NUTM2G: variants seen among roughly 807,000 people sequenced by gnomAD.
NUTM2G encodes family with sequence similarity 22, member G.
In NUTM2G, 29 loss-of-function variants were observed where a neutral mutation model predicts 44.3. The observed-to-expected ratio is 0.66, with a 90% CI of 0.49 to 0.89. The LOEUF is 0.89. Ranked by LOEUF, NUTM2G falls within the 40% of genes least tolerant of loss-of-function variation. The pLI, the probability that NUTM2G is intolerant of heterozygous loss-of-function variation, is 0.00. For synonymous variants in NUTM2G, 205 were observed against 395.9 expected, an observed-to-expected ratio of 0.52 and a Z score of 5.72; for missense variants, 502 against 946.5, an observed-to-expected ratio of 0.53 and a Z score of 6.16.
Position 96,939,136 on chromosome 9 carries a change from ATTGTAGCCAG to A in NUTM2G, c.2215_2224del (p.Cys739ArgfsTer39). The A allele has an allele frequency of 1.2e-6, 1 of 844,822 alleles. No individual in the cohort carries two copies. The highest frequency in any genetic ancestry group is 1.7e-6 in the Non-Finnish European group (1 of 594,584). The allele number at this position is 844,822 out of a possible 1,614,324, so 52.3% of individuals were successfully genotyped here. A position where few individuals can be genotyped will look rare whatever the true frequency, so the allele number is the denominator to read the frequency against. On this transcript the variant is annotated frameshift_variant, in exon 7 of 7. Transcript: ENST00000372322. LOFTEE classifies it high-confidence loss of function. ...GCCTCCAGGAGGAAGAAGAAGCGGC[ATTGTAGCCAG>A]TAGGGGCCGCCATGGGGCAGACTCT...
intron 4 of NUTM2G, 114 bp from the exon 5 acceptor site, chr9:96,936,950 T>C (rs1826450900): frequency 2.2e-6 from 3 of 1,341,480 alleles, no homozygotes; most frequent in African/African-American, 1.5e-5. Context: ...GTGGTTCAGG[T>C]GGTCCTGACC....
At chr9:96,930,885 T>G (rs1439598516) in intron 1 of NUTM2G, among the ~76,000 whole-genome samples, 2 of 69,380 alleles carry the variant, frequency 2.9e-5, no homozygotes, top group East Asian at 3.6e-4. Context: ...TTTTTTTTTT[T>G]TTTTTTTTTT....
At chr9:96,940,922 CT>C (rs1298119610), downstream of NUTM2G, among the ~76,000 whole-genome samples, 1 of 152,156 alleles carries the variant, frequency 6.6e-6, no homozygotes, top group Admixed American at 6.5e-5. Flanking sequence ...CTTGGCAGGG[CT>C]TCCCCAGCTG....
intron 2 of NUTM2G, among the ~76,000 whole-genome samples, chr9:96,932,716 G>T (rs1826305491): frequency 6.6e-6 from 1 of 150,850 alleles, no homozygotes; most frequent in Non-Finnish European, 1.5e-5. Flanking sequence ...GCAATGGCGC[G>T]ATCTCAGCTC....
At chr9:96,938,075 T>G in intron 6 of NUTM2G, 74 bp downstream of exon 6, 1 of 1,592,198 alleles carries the variant, frequency 6.3e-7, no homozygotes, top group Non-Finnish European at 8.6e-7. Flanking sequence ...CCCACCCGAC[T>G]GTCTAAGCCC....
At chr9:96,935,726 C>T (rs1470352239) in intron 3 of NUTM2G, among the ~76,000 whole-genome samples, 9 of 152,168 alleles carry the variant, frequency 5.9e-5, no homozygotes, top group Non-Finnish European at 1.0e-4. Flanking sequence ...CAGCCAGCAT[C>T]GCAGCCCAAA....
At position 96,934,103 on chromosome 9, in the gene NUTM2G, G is replaced by A. The variant is rs1470217298; in HGVS notation, c.714-1225G>A. Among the ~76,000 whole-genome samples the A allele has an allele frequency of 5.9e-5, 9 of 152,110 alleles. No homozygotes were observed. In the East Asian group the frequency reaches 1.4e-3, roughly 23 times the overall value. On this transcript the variant is annotated intron_variant, in intron 2 of 6. Transcript: ENST00000372322. ...CTAGGAGAGTGCTCCCCAAAGCCAC[G>A]GGCTCCAGTGATAGCTCTGAGTGCA...
At chr9:96,931,489 C>T (rs55954513) in intron 1 of NUTM2G, among the ~76,000 whole-genome samples, 8,694 of 151,374 alleles carry the variant, frequency 0.057, 721 homozygotes, top group African/African-American at 0.19. Flanking sequence ...AAAGGCTTGG[C>T]TGTTTCTTCT....
In NUTM2G at chr9:96,936,508, C is replaced by T; in HGVS notation, c.926C>T (p.Ala309Val). ...GGGCCCCAGAGCCTGCCTCCTCCAG[C>T]CCCGCCGAGGCTTGAACCTCGAGGA... ...MKGPQSLPPP[A>V]PPRLEPRGPP... The change falls in exon 4 of 7, where the codon GCC (alanine) becomes GTC (valine). Residue 309 changes from alanine (A) to valine (V), a missense_variant. Transcript: ENST00000372322. 6.5e-7 allele frequency: 1 copy of T among 1,550,048 alleles called. No individual in the cohort carries two copies. The highest frequency in any genetic ancestry group is 8.7e-7 in the Non-Finnish European group (1 of 1,155,222).
intron 3 of NUTM2G, 152 bp downstream of exon 3, chr9:96,935,608 C>T: frequency 1.4e-6 from 2 of 1,469,520 alleles, no homozygotes; most frequent in African/African-American, 1.4e-5. Flanking sequence ...CAGGAAGCTG[C>T]TCCTGCCACC....
chr9:96,935,602 A>T, intron 3 of NUTM2G, 146 bp downstream of exon 3: 2 of 1,507,910 alleles, frequency 1.3e-6, no homozygotes, highest in Non-Finnish European at 1.8e-6. Flanking sequence ...CTCCCTCAGG[A>T]AGCTGCTCCT....
At chr9:96,935,574 G>T (rs1826403332) in intron 3 of NUTM2G, 118 bp downstream of exon 3, 1 of 1,587,942 alleles carries the variant, frequency 6.3e-7, no homozygotes, top group East Asian at 2.2e-5. Context: ...ACAAACACAG[G>T]ACGCCCTGGG....
chr9:96,930,878 T>TG (rs1461290839), intron 1 of NUTM2G, among the ~76,000 whole-genome samples: 3 of 58,794 alleles, frequency 5.1e-5, no homozygotes, highest in African/African-American at 1.2e-4. Flanking sequence ...AGTGGTTTTT[T>TG]TTTTTTTTTT....
chr9:96,937,941 G>A lies in NUTM2G; in HGVS notation c.1380G>A (p.Gln460=). Residue 460 remains glutamine, a synonymous_variant, in exon 6 of 7, where the codon CAG becomes CAA. Transcript: ENST00000372322. ...AAGAATTGCTTTCCCCAGATCCACA[G>A]ATGGATTTCTTGGCCCTAAGCCAGG... ...FLEELLSPDP[Q]MDFLALSQEL... 6.2e-7 allele frequency: 1 copy of A among 1,611,954 alleles called. No homozygotes were observed. Among genetic ancestry groups the A allele is most frequent in the Admixed American group, 1.7e-5 (1 of 59,998 alleles).
downstream of NUTM2G, among the ~76,000 whole-genome samples, chr9:96,940,513 C>T (rs1344968398): frequency 2.0e-5 from 3 of 150,478 alleles, no homozygotes; most frequent in Non-Finnish European, 4.4e-5. Context: ...TCTCAGATCC[C>T]AGCATGGACA....
chr9:96,940,731 T>C (rs1826570865), downstream of NUTM2G, among the ~76,000 whole-genome samples: 1 of 151,946 alleles, frequency 6.6e-6, no homozygotes, highest in African/African-American at 2.4e-5. Flanking sequence ...CTCTGGTATA[T>C]GGCGGCCTGG....
chr9:96,936,525 C>A lies in NUTM2G; in HGVS notation c.943C>A (p.Pro315Thr), dbSNP rs1826438457. Residue 315 changes from proline (P) to threonine (T), a missense_variant, in exon 4 of 7, where the codon CCT (proline) becomes ACT (threonine). Pro to Thr is a conservative substitution (Grantham distance 38, BLOSUM62 -1). Coordinates refer to ENST00000372322, the MANE Select transcript of NUTM2G (RefSeq NM_001170741.3). ...LPPPAPPRLE[P>T]RGPPAPEVVK... ...TCCTCCAGCCCCGCCGAGGCTTGAA[C>A]CTCGAGGACCCCCTGCCCCTGAGGT... 3 of 1,553,314 alleles carry A rather than the reference C, an allele frequency of 1.9e-6. No individual in the cohort carries two copies. Among genetic ancestry groups the A allele is most frequent in the East Asian group, 2.4e-5 (1 of 42,438 alleles).
intron 1 of NUTM2G, among the ~76,000 whole-genome samples, chr9:96,930,907 T>A (rs1826224170): frequency 1.8e-5 from 2 of 111,628 alleles, no homozygotes; most frequent in Admixed American, 9.0e-5. Context: ...TTTTTTTTTT[T>A]TTTTTGAGAC....
At chr9:96,942,065 G>A (rs929679807), downstream of NUTM2G, among the ~76,000 whole-genome samples, 7 of 151,924 alleles carry the variant, frequency 4.6e-5, no homozygotes, top group East Asian at 1.9e-4. Context: ...CAGTTGGGGC[G>A]GCCCCGGGCA....
Sources: gnomAD v4.1 joint callset for allele counts (sites outside exome capture counted in the v4.1 genomes callset) on GRCh38, gnomAD v4.1.1 for gene constraint, MANE v1.5 for transcripts, NCBI Gene and HGNC (gene_info 2026-07-23, HGNC 2026-07-21) for gene names.